ZNF320: variants seen among roughly 807,000 people sequenced by gnomAD.
ZNF320 encodes the protein zinc finger gene 320.
ZNF320 carries 2 observed loss-of-function variants against 6.8 expected under a neutral mutation model. That is an observed-to-expected ratio of 0.29 (90% CI 0.12 to 0.93). The LOEUF (loss-of-function observed/expected upper bound fraction) is 0.93. ZNF320 is among the 40% of genes least tolerant of loss of function. The probability of loss-of-function intolerance (pLI) is 0.55; values close to 1 mark genes in which losing one functional copy is unlikely to be tolerated. For synonymous variants in ZNF320, 208 were observed against 203.2 expected, an observed-to-expected ratio of 1.02 and a Z score of -0.20; for missense variants, 472 against 611.0, an observed-to-expected ratio of 0.77 and a Z score of 2.40.
At chr19:52,892,893 A>G (rs185195043) in intron 2 of ZNF320, among the ~76,000 whole-genome samples, 2,383 of 149,340 alleles carry the variant, frequency 0.016, 61 homozygotes, top group African/African-American at 0.056. Flanking sequence ...CCTCACTCTG[A>G]TGAGACTCCC....
In ZNF320 at chr19:52,881,451, A is replaced by C. The variant is rs1352613659; in HGVS notation, c.675T>G (p.Val225=). The change falls in exon 6 of 6, where the codon GTT becomes GTG. Residue 225 remains valine (V), a synonymous_variant. Transcript: ENST00000682928. ...KHYTCNECGK[V]FDQKATLACH... is the part of the protein sequence containing the mutation. ...ATGCAAGGGTTGCTTTTTGATCAAAAACCTTGCCACATTCATTACATGTGT... is the reference window on the plus strand; with the variant it reads ...ATGCAAGGGTTGCTTTTTGATCAAACACCTTGCCACATTCATTACATGTGT... 1 of 1,614,050 alleles carries C rather than the reference A, an allele frequency of 6.2e-7. No individual in the cohort carries two copies. Among genetic ancestry groups the C allele is most frequent in the Admixed American group, 1.7e-5 (1 of 60,008 alleles).
At position 52,886,977 on chromosome 19, in the gene ZNF320, A is replaced by AAGGAAGGAAGGAAGGAAG. The variant is rs2064102785; in HGVS notation, c.142+1149_142+1150insCTTCCTTCCTTCCTTCCT. ...AGAAAGAAAGAAAGAAAAGAAAGAA[A>AAGGAAGGAAGGAAGGAAG]GAAGGAAGGAAGGAAGGAAGGAAGG... On this transcript the variant is annotated intron_variant, in intron 5 of 5. Coordinates refer to ENST00000682928, the MANE Select transcript of ZNF320 (RefSeq NM_001351774.2). 2.9e-3 allele frequency among the ~76,000 whole-genome samples: 352 copies of AAGGAAGGAAGGAAGGAAG among 123,096 alleles called. 1 individual carries two copies. The highest frequency in any genetic ancestry group is 0.01 in the African/African-American group (329 of 31,416). 80.8% of individuals were successfully genotyped at this position (123,096 alleles called of 152,430 possible).
Position 52,881,083 on chromosome 19 carries a change from C to G in ZNF320, c.1043G>C (p.Arg348Thr), listed in dbSNP as rs760470745. ...FSRKSHLERH[R>T]RIHTGEKPYK... Reference sequence around the variant, plus strand: ...TGGTTTCTCTCCAGTATGAATCCTCCTATGTCTTTCAAGATGTGATTTGCG... The same window carrying G: ...TGGTTTCTCTCCAGTATGAATCCTCGTATGTCTTTCAAGATGTGATTTGCG... Residue 348 changes from arginine to threonine, a missense_variant, in exon 6 of 6, where the codon AGG becomes ACG. Arg to Thr is a moderately conservative substitution (Grantham distance 71, BLOSUM62 -1). Transcript: ENST00000682928. 5 of 1,613,844 alleles carry G rather than the reference C, an allele frequency of 3.1e-6. No homozygotes were observed. In the East Asian group the frequency reaches 1.1e-4, roughly 36 times the overall value.
intron 5 of ZNF320, among the ~76,000 whole-genome samples, chr19:52,867,230 A>G (rs1422691126): frequency 1.3e-5 from 2 of 151,974 alleles, no homozygotes; most frequent in Admixed American, 1.3e-4. Flanking sequence ...ATGGAGTCTC[A>G]CTCTGTTGCC....
Position 52,880,957 on chromosome 19 carries a change from C to A in ZNF320, c.1169G>T (p.Cys390Phe). The A allele has an allele frequency of 6.2e-7, 1 of 1,613,588 alleles. No homozygotes were observed. Among genetic ancestry groups the A allele is most frequent in the Non-Finnish European group, 8.5e-7 (1 of 1,179,588 alleles). ...TGERPYTCNE[C>F]GKVFSTKAYL... The stretch of plus-strand genomic sequence containing the variant: ...CGCTTTTGTACTAAAAACCTTGCCA[C>A]ATTCATTACATGTGTAAGGTCTCTC... Residue 390 changes from cysteine (C) to phenylalanine (F), a missense_variant, in exon 6 of 6, where the codon TGT becomes TTT. Physicochemically the swap from Cys to Phe is radical, Grantham distance 205 (BLOSUM62 -2). Around this residue, in one of 2 missense-constraint regions of ZNF320, gnomAD observed 462 missense variants for 559.7 expected, o/e 0.83. Transcript: ENST00000682928.
downstream of ZNF320, among the ~76,000 whole-genome samples, chr19:52,875,368 A>G (rs1220682039): frequency 1.3e-5 from 2 of 152,192 alleles, no homozygotes; most frequent in Admixed American, 6.6e-5. Context: ...TGCAGGGGAC[A>G]TGGGTAGGTG....
At chr19:52,865,470 T>TTACATATATATATAATACATATATATTA (rs2063530739) in intron 5 of ZNF320, 1 of 40,362 alleles carries the variant, frequency 2.5e-5, no homozygotes, top group East Asian at 4.3e-4. Context: ...TATATATATA[T>TTACATATATATATAATACATATATATTA]TACATATATA....
the ZNF320 span, among the ~76,000 whole-genome samples, chr19:52,904,175 C>T: frequency 0.13 from 19,504 of 152,290 alleles, 2,130 homozygotes; most frequent in African/African-American, 0.3. Context: ...GTTAATCCTC[C>T]GTGGGGGCCT....
intron 5 of ZNF320, among the ~76,000 whole-genome samples, chr19:52,882,725 C>G (rs1372621615): frequency 6.6e-6 from 1 of 152,160 alleles, no homozygotes; most frequent in Non-Finnish European, 1.5e-5. Context: ...GGCACATCGC[C>G]TCAGGTTAGG....
Position 52,881,531 on chromosome 19 carries a change from T to C in ZNF320, c.595A>G (p.Lys199Glu), listed in dbSNP as rs754916535. The C allele has an allele frequency of 6.2e-7, 1 of 1,613,998 alleles. No homozygotes were observed. The highest frequency in any genetic ancestry group is 8.5e-7 in the Non-Finnish European group (1 of 1,179,970). The change falls in exon 6 of 6, where the codon AAG becomes GAG. Residue 199 changes from lysine (K) to glutamate (E), a missense_variant. Physicochemically the swap from Lys to Glu is moderately conservative, Grantham distance 56. This residue lies in a region of ZNF320 where 462 missense variants were observed against 559.7 expected (regional missense o/e 0.83). Coordinates refer to ENST00000682928, the MANE Select transcript of ZNF320 (RefSeq NM_001351774.2). ...YKCKVCDKAF[K>E]HDSHLAKHTR... ...TGTTTTGCCAGGTGTGAATCATGCT[T>C]AAAAGCCTTGTCGCAAACCTTACAT...
At chr19:52,896,730 A>T (rs925198043) in intron 1 of ZNF320, among the ~76,000 whole-genome samples, 2 of 152,190 alleles carry the variant, frequency 1.3e-5, no homozygotes, top group Admixed American at 1.3e-4. Context: ...AATAAAAAAG[A>T]AATACCTGGG....
chr19:52,903,934 G>C, the ZNF320 span, among the ~76,000 whole-genome samples: 1 of 152,070 alleles, frequency 6.6e-6, no homozygotes, highest in South Asian at 2.1e-4. Context: ...GGCATGCTGT[G>C]GGTGATCAGG....
In ZNF320 at chr19:52,880,625, C is replaced by CA; in HGVS notation, c.1500dup (p.Glu501Ter). 6.2e-7 allele frequency: 1 copy of CA among 1,611,772 alleles called. No homozygotes were observed. The stretch of plus-strand genomic sequence containing the variant: ...TTAATGCTTGATGGTTTGCTATACT[C>CA]ATTGCACTTGAAACAATTGTCTCCA... On this transcript the variant is annotated frameshift_variant, in exon 6 of 6. Transcript: ENST00000682928. LOFTEE classifies it low-confidence loss of function (END_TRUNC).
downstream of ZNF320, among the ~76,000 whole-genome samples, chr19:52,860,597 C>CAA (rs113315558): frequency 1.2e-3 from 145 of 118,852 alleles, 2 homozygotes; most frequent in Non-Finnish European, 1.7e-3. Flanking sequence ...GAAACGGCAT[C>CAA]AAAAAAAAAA....
In ZNF320 at chr19:52,890,005, G is replaced by A. The variant is rs549018148; in HGVS notation, c.15+236C>T. On this transcript the variant is annotated intron_variant, in intron 4 of 5. Transcript: ENST00000682928. ...GGACCCTCACCCCGTCTCCATCCAT[G>A]TCTGGGTGTGAGTCCTTCCCAGGAC... 5.9e-5 allele frequency among the ~76,000 whole-genome samples: 9 copies of A among 152,178 alleles called. No individual in the cohort carries two copies. The East Asian group carries it at 1.6e-3, about 26-fold the overall frequency.
chr19:52,870,759 C>G (rs2063667134), intron 5 of ZNF320, among the ~76,000 whole-genome samples: 1 of 151,910 alleles, frequency 6.6e-6, no homozygotes, highest in Admixed American at 6.6e-5. Flanking sequence ...GAGGGAGACT[C>G]AACTAAAAAA....
chr19:52,865,559 ATGATCATACATATATATT>A (rs1161532062), intron 5 of ZNF320: 7 of 104,600 alleles, frequency 6.7e-5, no homozygotes, highest in African/African-American at 2.5e-4. Context: ...ATATATTTAT[ATGATCATACATATATATT>A]TATATGATTA....
the ZNF320 span, among the ~76,000 whole-genome samples, chr19:52,903,017 C>T: frequency 1.3e-5 from 2 of 152,178 alleles, no homozygotes; most frequent in African/African-American, 2.4e-5. Context: ...TAAAAATCCA[C>T]ATTCTTATGC....
At chr19:52,891,126 G>C (rs2064275960) in intron 3 of ZNF320, 103 bp downstream of exon 3, 1 of 152,088 alleles carries the variant, frequency 6.6e-6, no homozygotes, top group Non-Finnish European at 1.5e-5. Context: ...TCCAGCCTGG[G>C]TGACAGAGTA....
Sources: allele counts gnomAD v4.1 joint callset (sites outside exome capture counted in the v4.1 genomes callset), GRCh38; gene constraint gnomAD v4.1.1; regional missense constraint gnomAD v4.1.1; transcripts MANE v1.5; gene names NCBI Gene and HGNC (gene_info 2026-07-23, HGNC 2026-07-21).